The following TMEM161B variants were observed in gnomAD, a reference collection of about 807,000 sequenced individuals.
TMEM161B encodes the protein transmembrane protein 161B.
A neutral mutation model predicts 61.8 loss-of-function variants in TMEM161B; 34 were observed. The ratio of observed to expected loss-of-function variants is 0.55; its 90% CI spans 0.42 to 0.73. The LOEUF is 0.73. TMEM161B is among the 30% of genes least tolerant of loss of function. The pLI, the probability that TMEM161B is intolerant of heterozygous loss-of-function variation, is 0.00. For synonymous variants in TMEM161B, 167 were observed against 192.8 expected (o/e 0.87, Z 1.11); for missense variants, 456 against 558.5 (o/e 0.82, Z 1.85).
chr5:88,249,906 G>C (rs1239488779), intron 1 of TMEM161B, among the ~76,000 whole-genome samples: 1 of 152,134 alleles, frequency 6.6e-6, no homozygotes, highest in East Asian at 1.9e-4. Flanking sequence ...AAGAAGACAA[G>C]AGGGAAACCT....
At chr5:88,203,764 T>C (rs1222319915) in intron 8 of TMEM161B, among the ~76,000 whole-genome samples, 2 of 2,430 alleles carry the variant, frequency 8.2e-4, no homozygotes, top group Non-Finnish European at 1.1e-3. Flanking sequence ...TATATATATA[T>C]ATATATATAT....
intron 2 of TMEM161B, among the ~76,000 whole-genome samples, chr5:88,234,448 A>G (rs891613037): frequency 1.6e-4 from 24 of 152,234 alleles, no homozygotes; most frequent in African/African-American, 5.8e-4. Flanking sequence ...TCCAAGTAAA[A>G]CCTACAAGTA....
Position 88,220,738 on chromosome 5 carries a change from AAAAAAAAAAAAAAGGTC to A in TMEM161B, c.290-36_290-20del. On this transcript the variant is annotated intron_variant, in intron 4 of 11. Transcript: ENST00000296595. ...TGCAATGCTGGAAAGAAAAAAAAAA[AAAAAAAAAAAAAAGGTC>A]AAAAAAAACAGTTTCACTTACATTT... 1 of 1,514,708 alleles carries A rather than the reference AAAAAAAAAAAAAAGGTC, an allele frequency of 6.6e-7. No homozygotes were observed. Among genetic ancestry groups the A allele is most frequent in the East Asian group, 2.4e-5 (1 of 41,366 alleles). 93.8% of individuals were successfully genotyped at this position (1,514,708 alleles called of 1,614,324 possible). A position where few individuals can be genotyped will look rare whatever the true frequency, so the allele number is the denominator to read the frequency against.
At position 88,231,630 on chromosome 5, in the gene TMEM161B, T is replaced by C. The variant is rs146937406; in HGVS notation, c.108-3102A>G. 2.6e-5 allele frequency among the ~76,000 whole-genome samples: 4 copies of C among 152,312 alleles called. No individual in the cohort carries two copies. The East Asian group carries it at 7.7e-4, about 29-fold the overall frequency. On this transcript the variant is annotated intron_variant, in intron 2 of 11. Transcript: ENST00000296595. Reference sequence around the variant, plus strand: ...TAATGAATTTACGATAAAAAATATATATATCCCAACCTAAAAGTCCCTAAA... The same window carrying C: ...TAATGAATTTACGATAAAAAATATACATATCCCAACCTAAAAGTCCCTAAA...
At chr5:88,238,690 A>G (rs1580615116) in intron 2 of TMEM161B, among the ~76,000 whole-genome samples, 1 of 152,214 alleles carries the variant, frequency 6.6e-6, no homozygotes, top group South Asian at 2.1e-4. Flanking sequence ...ATATTTTTAC[A>G]TAGGCAATTT....
At position 88,202,727 on chromosome 5, in the gene TMEM161B, T is replaced by C. The variant is rs150894678; in HGVS notation, c.914+235A>G. ...CTGGACATAAAGAGGAGGAAAAAAA[T>C]AGTGTGTAAGGTAATATTAGTGCAA... On this transcript the variant is annotated intron_variant, in intron 9 of 11. Transcript: ENST00000296595. 233 of 464,618 alleles carry C rather than the reference T, an allele frequency of 5.0e-4. 1 individual carries two copies. The Middle Eastern group carries it at 0.011, about 21-fold the overall frequency. 28.8% of individuals were successfully genotyped at this position (464,618 alleles called of 1,614,324 possible). A position where few individuals can be genotyped will look rare whatever the true frequency, so the allele number is the denominator to read the frequency against.
intron 4 of TMEM161B, among the ~76,000 whole-genome samples, chr5:88,225,420 G>A (rs557062727): frequency 1.1e-4 from 16 of 152,118 alleles, no homozygotes; most frequent in African/African-American, 2.7e-4. Context: ...GCTCAAGGCC[G>A]GACATTTCAA....
Position 88,196,187 on chromosome 5 carries a change from A to C in TMEM161B, c.*24T>G. ...TATTTTAATTTAAAGGGTGATTTGG[A>C]TATGCTTTTTTGTTAACTGAGATTC... On this transcript the variant is annotated 3_prime_UTR_variant, in exon 12 of 12. Transcript: ENST00000296595. 6.3e-7 allele frequency: 1 copy of C among 1,582,350 alleles called. No individual in the cohort carries two copies. Among genetic ancestry groups the C allele is most frequent in the South Asian group, 1.2e-5 (1 of 85,426 alleles).
At position 88,228,508 on chromosome 5, in the gene TMEM161B, G is replaced by A; in HGVS notation, c.128C>T (p.Pro43Leu). The change falls in exon 3 of 12, where the codon CCT becomes CTT. Residue 43 changes from proline (P) to leucine (L), a missense_variant. By Grantham distance (98) the Pro-to-Leu change is moderately conservative. Around this residue, in one of 3 missense-constraint regions of TMEM161B, gnomAD observed 85 missense variants for 111.2 expected, o/e 0.76. Transcript: ENST00000296595. ...CNGSLRWYQH[P>L]TEEELRILAG... ...AAGAATTCTTAATTCTTCTTCTGTA[G>A]GATGTTGATACCACCTCAAACTAAG... is the stretch of plus-strand genomic sequence containing the variant. 1 of 1,606,066 alleles carries A rather than the reference G, an allele frequency of 6.2e-7. No individual in the cohort carries two copies. Among genetic ancestry groups the A allele is most frequent in the Admixed American group, 1.7e-5 (1 of 59,324 alleles).
chr5:88,233,050 C>A (rs1751274239), intron 2 of TMEM161B, among the ~76,000 whole-genome samples: 1 of 152,112 alleles, frequency 6.6e-6, no homozygotes, highest in African/African-American at 2.4e-5. Context: ...CTTTTAGGGT[C>A]ACTTCTAGTC....
At chr5:88,190,775 C>T (rs114605410), downstream of TMEM161B, among the ~76,000 whole-genome samples, 3,100 of 152,278 alleles carry the variant, frequency 0.02, 27 homozygotes, top group Middle Eastern at 0.055. Context: ...TTCATTTCCA[C>T]TACTTTTGAT....
intron 5 of TMEM161B, among the ~76,000 whole-genome samples, chr5:88,217,252 G>A (rs1028223675): frequency 1.3e-5 from 2 of 152,090 alleles, no homozygotes; most frequent in African/African-American, 4.8e-5. Flanking sequence ...GCAAGACTCT[G>A]TCTCTAAAAA....
downstream of TMEM161B, chr5:88,190,182 T>G (rs1561284757): frequency 4.3e-6 from 3 of 700,902 alleles, no homozygotes; most frequent in Non-Finnish European, 7.8e-6. Context: ...CTCTGTGAAG[T>G]CTAGCTGGAG....
In TMEM161B at chr5:88,198,868, TAAG is replaced by T. The variant is rs1028906019; in HGVS notation, c.1089+105_1089+107del. The T allele has an allele frequency of 5.3e-6, 5 of 945,498 alleles. No homozygotes were observed. The African/African-American group carries it at 8.4e-5, about 16-fold the overall frequency. The allele number at this position is 945,498 out of a possible 1,614,324, so 58.6% of individuals were successfully genotyped here. A position where few individuals can be genotyped will look rare whatever the true frequency, so the allele number is the denominator to read the frequency against. ...TTAAGATTGTTCTGTTTATTTATAA[TAAG>T]AATATGATGGGTTGAAATACTATCT... On this transcript the variant is annotated intron_variant, in intron 10 of 11. Transcript: ENST00000296595.
intron 2 of TMEM161B, among the ~76,000 whole-genome samples, chr5:88,232,705 C>T (rs938405588): frequency 1.3e-5 from 2 of 152,116 alleles, no homozygotes. Context: ...TCCCGAGTAC[C>T]TAGGACTACT....
At chr5:88,215,645 C>T (rs1022177734) in intron 5 of TMEM161B, among the ~76,000 whole-genome samples, 2 of 152,132 alleles carry the variant, frequency 1.3e-5, no homozygotes, top group Admixed American at 6.5e-5. Flanking sequence ...AGACAGCCAG[C>T]GAGCTACAGG....
rs866880439 is a variant in TMEM161B at position 88,199,082 on chromosome 5, G to A, written c.983C>T (p.Ala328Val). 6.2e-7 allele frequency: 1 copy of A among 1,612,910 alleles called. No individual in the cohort carries two copies. The highest frequency in any genetic ancestry group is 8.5e-7 in the Non-Finnish European group (1 of 1,179,398). Residue 328 changes from alanine to valine, a missense_variant, in exon 10 of 12, where the codon GCC becomes GTC. By Grantham distance (64) the Ala-to-Val change is moderately conservative. Around this residue, in one of 3 missense-constraint regions of TMEM161B, gnomAD observed 367 missense variants for 427.3 expected, o/e 0.86. Coordinates refer to ENST00000296595, the MANE Select transcript of TMEM161B (RefSeq NM_153354.5). ...AGCTTGCAGGTGACTACGCATCATG[G>A]CCAACCGCAAAGCACACAGCAGGAT... The part of the protein sequence containing the change: ...LIILLCALRL[A>V]MMRSHLQAYL...
chr5:88,192,479 G>C (rs1749055230), downstream of TMEM161B, among the ~76,000 whole-genome samples: 1 of 152,192 alleles, frequency 6.6e-6, no homozygotes, highest in South Asian at 2.1e-4. Context: ...TTAATCCCAA[G>C]ATATCATCAA....
At chr5:88,264,152 TA>T (rs1025620050) in intron 1 of TMEM161B, among the ~76,000 whole-genome samples, 24 of 143,808 alleles carry the variant, frequency 1.7e-4, no homozygotes, top group Admixed American at 2.8e-4. Flanking sequence ...AGTAAGGATT[TA>T]AAAAAAAAAA....
Sources: allele counts gnomAD v4.1 joint callset (sites outside exome capture counted in the v4.1 genomes callset), GRCh38; gene constraint gnomAD v4.1.1; regional missense constraint gnomAD v4.1.1; transcripts MANE v1.5; gene names NCBI Gene and HGNC (gene_info 2026-07-23, HGNC 2026-07-21).